Variants in KCNB2 observed in about 807,000 individuals in gnomAD.
The protein encoded by KCNB2 is delayed rectifier potassium channel protein.
In KCNB2, 15 loss-of-function variants were observed where a neutral mutation model predicts 61.5. The observed-to-expected ratio is 0.24, with a 90% CI of 0.16 to 0.38. The LOEUF (loss-of-function observed/expected upper bound fraction) is 0.38. Among genes scored for constraint, KCNB2 ranks in the 10% least tolerant of loss-of-function variants. KCNB2 has a pLI of 1.00. For synonymous variants in KCNB2, 457 were observed against 446.0 expected (o/e 1.02, Z -0.31); for missense variants, 828 against 1,125.2 (o/e 0.74, Z 3.78).
chr8:72,640,037 G>GC (rs1324495408), intron 2 of KCNB2, among the ~76,000 whole-genome samples: 2 of 151,748 alleles, frequency 1.3e-5, no homozygotes, highest in African/African-American at 4.8e-5. Flanking sequence ...TTGGTCAAAT[G>GC]CATCATTGCA....
rs112061937 is a variant in KCNB2 at position 72,723,585 on chromosome 8, G to A, written c.579+155272G>A. On this transcript the variant is annotated intron_variant, in intron 2 of 2. Transcript: ENST00000523207. ...GTGTCCCACACTCCCACTCCTGGGA[G>A]ACCCAGTGGGCTCTGTTGTCATGTT... is the stretch of plus-strand genomic sequence containing the variant. 5.1e-3 allele frequency among the ~76,000 whole-genome samples: 779 copies of A among 152,264 alleles called. 8 individuals carry two copies. Among genetic ancestry groups the A allele is most frequent in the Middle Eastern group, 0.037 (11 of 294 alleles).
In KCNB2 at chr8:72,595,892, G is replaced by A. The variant is rs77166602; in HGVS notation, c.579+27579G>A. On this transcript the variant is annotated intron_variant, in intron 2 of 2. Coordinates refer to ENST00000523207, the MANE Select transcript of KCNB2 (RefSeq NM_004770.3). ...TGCTTGTTTCTATGGCTTTTTTCAC[G>A]GTACAGTGGCAGAGTTCACTAGTTG... is the stretch of plus-strand genomic sequence containing the variant. Among the ~76,000 whole-genome samples, 1,437 of 152,046 alleles carry A rather than the reference G, an allele frequency of 9.5e-3. 10 individuals carry two copies. The highest frequency in any genetic ancestry group is 0.014 in the Middle Eastern group (4 of 294).
chr8:72,715,448 T>C (rs2439342), intron 2 of KCNB2, among the ~76,000 whole-genome samples: 28,103 of 149,626 alleles, frequency 0.19, 3,436 homozygotes, highest in African/African-American at 0.35. Flanking sequence ...GAACAGAAAT[T>C]ATAACAAACT....
intron 2 of KCNB2, among the ~76,000 whole-genome samples, chr8:72,632,799 G>A (rs1292654090): frequency 6.6e-6 from 1 of 152,118 alleles, no homozygotes; most frequent in Non-Finnish European, 1.5e-5. Flanking sequence ...TGTGGTCATT[G>A]CCACCTCCAA....
At chr8:72,900,390 A>G (rs1051466893) in intron 2 of KCNB2, among the ~76,000 whole-genome samples, 27 of 152,198 alleles carry the variant, frequency 1.8e-4, no homozygotes, top group Non-Finnish European at 3.8e-4. Context: ...AACAATAAAA[A>G]TCCTAAGAGA....
chr8:72,937,602 G>A lies in KCNB2; in HGVS notation c.2247G>A (p.Pro749=), dbSNP rs754284396. ...CAGCTGACTTTTCGCTCACTACCCCGCAGCACATCAGTACCATCCTCTTAG... is the reference window on the plus strand; with the variant it reads ...CAGCTGACTTTTCGCTCACTACCCCACAGCACATCAGTACCATCCTCTTAG... ...VTTADFSLTT[P]QHISTILLEE... Residue 749 remains proline (P), a synonymous_variant, in exon 3 of 3, where the codon CCG becomes CCA. Transcript: ENST00000523207. 7.4e-6 allele frequency: 12 copies of A among 1,613,930 alleles called. No homozygotes were observed. The highest frequency in any genetic ancestry group is 1.1e-5 in the South Asian group (1 of 91,050).
At chr8:72,677,792 T>C (rs771876965) in intron 2 of KCNB2, among the ~76,000 whole-genome samples, 9 of 152,292 alleles carry the variant, frequency 5.9e-5, no homozygotes, top group Non-Finnish European at 1.2e-4. Flanking sequence ...GAAGCTTTTA[T>C]AGAAATAAAC....
intron 2 of KCNB2, among the ~76,000 whole-genome samples, chr8:72,634,063 A>T (rs745399321): frequency 6.6e-6 from 1 of 152,182 alleles, no homozygotes; most frequent in Non-Finnish European, 1.5e-5. Context: ...CTTGCTGTGC[A>T]CTGTAATGTT....
At chr8:72,787,007 A>G (rs1808854684) in intron 2 of KCNB2, among the ~76,000 whole-genome samples, 1 of 152,110 alleles carries the variant, frequency 6.6e-6, no homozygotes, top group African/African-American at 2.4e-5. Context: ...TTCCCCACCA[A>G]TCATTTGCTG....
intron 1 of KCNB2, among the ~76,000 whole-genome samples, chr8:72,553,088 C>G (rs988390612): frequency 2.6e-5 from 4 of 151,998 alleles, no homozygotes; most frequent in African/African-American, 4.8e-5. Context: ...AACACACAGA[C>G]CAAAATACAG....
chr8:72,930,032 G>A (rs1000295007), intron 2 of KCNB2, among the ~76,000 whole-genome samples: 5 of 142,200 alleles, frequency 3.5e-5, no homozygotes, highest in South Asian at 4.4e-4. Context: ...TCCCACCTAT[G>A]AGTGAAAACA....
chr8:72,758,255 T>C (rs1808323070), intron 2 of KCNB2, among the ~76,000 whole-genome samples: 1 of 152,134 alleles, frequency 6.6e-6, no homozygotes, highest in African/African-American at 2.4e-5. Flanking sequence ...CCAGCTGAAA[T>C]TGGAGACTAG....
chr8:72,834,388 C>A (rs1268808168), intron 2 of KCNB2, among the ~76,000 whole-genome samples: 7 of 152,152 alleles, frequency 4.6e-5, no homozygotes, highest in Admixed American at 4.6e-4. Context: ...AAAATAATAG[C>A]TGAAGCAGAC....
At chr8:72,725,607 A>ATGTG (rs1563572127) in intron 2 of KCNB2, among the ~76,000 whole-genome samples, 1 of 123,308 alleles carries the variant, frequency 8.1e-6, no homozygotes, top group African/African-American at 3.7e-5. Context: ...ATATATATAT[A>ATGTG]TATATATATA....
At chr8:72,633,469 C>T (rs1002153195) in intron 2 of KCNB2, among the ~76,000 whole-genome samples, 5 of 152,152 alleles carry the variant, frequency 3.3e-5, no homozygotes, top group South Asian at 2.1e-4. Flanking sequence ...CGCCATGTAA[C>T]TTCACATATT....
chr8:72,891,699 A>G (rs1436833374), intron 2 of KCNB2, among the ~76,000 whole-genome samples: 1 of 152,208 alleles, frequency 6.6e-6, no homozygotes, highest in Admixed American at 6.5e-5. Flanking sequence ...TCTTTGTATT[A>G]TAGAACATTT....
At chr8:72,807,217 C>T (rs1809239637) in intron 2 of KCNB2, among the ~76,000 whole-genome samples, 1 of 152,174 alleles carries the variant, frequency 6.6e-6, no homozygotes, top group African/African-American at 2.4e-5. Flanking sequence ...GTTCACAGCA[C>T]GCAGCCATGT....
chr8:72,641,407 G>A (rs1005932572), intron 2 of KCNB2, among the ~76,000 whole-genome samples: 1 of 151,998 alleles, frequency 6.6e-6, no homozygotes, highest in African/African-American at 2.4e-5. Flanking sequence ...TATGTACTGT[G>A]TGTTTCTATG....
At chr8:72,561,160 A>ATT (rs757402090) in intron 1 of KCNB2, among the ~76,000 whole-genome samples, 5 of 143,056 alleles carry the variant, frequency 3.5e-5, no homozygotes, top group South Asian at 2.3e-4. Flanking sequence ...AAAAGTTCTA[A>ATT]TTTTTTTTTT....
Sources: allele counts gnomAD v4.1 joint callset (sites outside exome capture counted in the v4.1 genomes callset), GRCh38; gene constraint gnomAD v4.1.1; transcripts MANE v1.5; gene names NCBI Gene and HGNC (gene_info 2026-07-23, HGNC 2026-07-21).